The following GLOD4 variants were observed in gnomAD, a reference collection of about 807,000 sequenced individuals.
GLOD4 encodes the protein glyoxalase domain containing 4.
In GLOD4, 44 loss-of-function variants were observed where a neutral mutation model predicts 39.1. The ratio of observed to expected loss-of-function variants is 1.13; its 90% CI spans 0.88 to 1.45. GLOD4 has a LOEUF of 1.45. GLOD4 is among the 40% of genes most tolerant of loss of function. The probability of loss-of-function intolerance (pLI) is 0.00; values close to 1 mark genes in which losing one functional copy is unlikely to be tolerated. For missense variants in GLOD4, 405 were observed against 366.4 expected, an observed-to-expected ratio of 1.11 and a Z score of -0.86; for synonymous variants, 145 against 135.0, an observed-to-expected ratio of 1.07 and a Z score of -0.52.
chr17:762,255 A>C (rs1003290928), intron 8 of GLOD4, among the ~76,000 whole-genome samples: 9 of 152,262 alleles, frequency 5.9e-5, no homozygotes, highest in African/African-American at 2.2e-4. Context: ...ACGACTATTA[A>C]ATGTTAAAAA....
intron 6 of GLOD4, 67 bp downstream of exon 6, chr17:770,354 G>A (rs1272397582): frequency 1.1e-6 from 1 of 870,296 alleles, no homozygotes; most frequent in African/African-American, 1.6e-5. Context: ...AGAAGGGAAG[G>A]ACAAAGTTCT....
chr17:779,319 T>TAAAAAAAAAA (rs34487169), intron 1 of GLOD4, among the ~76,000 whole-genome samples: 1 of 43,358 alleles, frequency 2.3e-5, no homozygotes. Flanking sequence ...CATCTCAAAT[T>TAAAAAAAAAA]AAAAAAAAAA....
chr17:785,436 T>C (rs1177635639), upstream of GLOD4, among the ~76,000 whole-genome samples: 1 of 152,186 alleles, frequency 6.6e-6, no homozygotes, highest in Non-Finnish European at 1.5e-5. Flanking sequence ...AATTTTATCA[T>C]GTAGAGATCA....
upstream of GLOD4, among the ~76,000 whole-genome samples, chr17:782,893 A>G (rs2750013): frequency 0.87 from 132,061 of 152,212 alleles, 57,468 homozygotes; most frequent in African/African-American, 0.94. Context: ...TCACCATGTT[A>G]GCCAGGCTGA....
upstream of GLOD4, among the ~76,000 whole-genome samples, chr17:782,865 TTTG>T (rs1682398709): frequency 1.3e-5 from 2 of 152,208 alleles, no homozygotes; most frequent in African/African-American, 4.8e-5. Context: ...TCCTTAGCTC[TTTG>T]TTGTTGTTTT....
chr17:772,551 G>T (rs748710828), intron 4 of GLOD4, among the ~76,000 whole-genome samples: 104 of 152,158 alleles, frequency 6.8e-4, no homozygotes, highest in Non-Finnish European at 9.9e-4. Flanking sequence ...ACAGTAGGGG[G>T]AACAACTGCA....
intron 8 of GLOD4, among the ~76,000 whole-genome samples, chr17:761,660 G>A (rs1393118707): frequency 2.6e-5 from 4 of 152,050 alleles, no homozygotes; most frequent in African/African-American, 9.7e-5. Flanking sequence ...GTACACCACC[G>A]TGCCTGGCTA....
chr17:773,085 A>G (rs1419959120), intron 4 of GLOD4, among the ~76,000 whole-genome samples: 1 of 152,236 alleles, frequency 6.6e-6, no homozygotes, highest in Non-Finnish European at 1.5e-5. Context: ...TGTGCAAATA[A>G]TGTTAAAAGT....
intron 8 of GLOD4, chr17:764,784 G>A (rs1394753340): frequency 6.6e-6 from 1 of 150,982 alleles, no homozygotes; most frequent in Non-Finnish European, 1.5e-5. Flanking sequence ...CAAGGTGGGT[G>A]GATCACAAGG....
intron 8 of GLOD4, chr17:764,166 A>G (rs1906037580): frequency 1.3e-5 from 2 of 152,210 alleles, no homozygotes; most frequent in Admixed American, 6.5e-5. Context: ...CAGGGAAATA[A>G]AAATTAAACC....
chr17:774,749 G>C (rs1195813024), intron 4 of GLOD4, among the ~76,000 whole-genome samples: 2 of 152,218 alleles, frequency 1.3e-5, no homozygotes, highest in East Asian at 3.9e-4. Flanking sequence ...AAGATTCTAG[G>C]AAAGTTTTTC....
chr17:781,635 CA>C lies in GLOD4; in HGVS notation c.90+530del, dbSNP rs373543510. On this transcript the variant is annotated intron_variant, in intron 1 of 8. Transcript: ENST00000301329. Reference sequence around the variant, plus strand: ...CAGTTCCCCAACCAACTGAATCCTGCAAATAACAGCTCCTCAGGACCCGAGA... The same window carrying C: ...CAGTTCCCCAACCAACTGAATCCTGCAATAACAGCTCCTCAGGACCCGAGA... Among the ~76,000 whole-genome samples, 323 of 152,252 alleles carry C rather than the reference CA, an allele frequency of 2.1e-3. 2 individuals are homozygous for C. Among genetic ancestry groups the C allele is most frequent in the African/African-American group, 7.5e-3 (311 of 41,530 alleles).
upstream of GLOD4, among the ~76,000 whole-genome samples, chr17:785,276 C>A (rs764134321): frequency 2.6e-5 from 4 of 152,134 alleles, no homozygotes; most frequent in Non-Finnish European, 4.4e-5. Context: ...TTCATCTATA[C>A]CACAGCAATT....
At chr17:765,180 T>C (rs994254019) in intron 8 of GLOD4, 1 of 150,974 alleles carries the variant, frequency 6.6e-6, no homozygotes, top group African/African-American at 2.4e-5. Flanking sequence ...GCCAACTCAC[T>C]GGAGATGGGC....
intron 8 of GLOD4, among the ~76,000 whole-genome samples, chr17:769,474 G>C (rs1032558817): frequency 7.6e-6 from 1 of 132,278 alleles, no homozygotes; most frequent in African/African-American, 2.9e-5. Context: ...AGCTGAGGGG[G>C]TCAGATGGAG....
intron 4 of GLOD4, among the ~76,000 whole-genome samples, chr17:774,897 T>C (rs1189960425): frequency 2.0e-5 from 3 of 151,866 alleles, no homozygotes; most frequent in Non-Finnish European, 4.4e-5. Flanking sequence ...AGTGAAACCC[T>C]GTCTCTACTA....
At chr17:763,974 C>G (rs572684391) in intron 8 of GLOD4, 17 of 152,324 alleles carry the variant, frequency 1.1e-4, no homozygotes, top group African/African-American at 3.9e-4. Flanking sequence ...AACTACAGTA[C>G]AGAGTCAAGG....
At chr17:765,561 G>A (rs1448695831) in intron 8 of GLOD4, among the ~76,000 whole-genome samples, 1 of 150,850 alleles carries the variant, frequency 6.6e-6, no homozygotes, top group African/African-American at 2.4e-5. Context: ...CAGGCGCAGT[G>A]GCTCACGCCT....
intron 4 of GLOD4, among the ~76,000 whole-genome samples, chr17:773,979 A>G (rs756156230): frequency 1.4e-4 from 22 of 152,318 alleles, no homozygotes; most frequent in South Asian, 1.2e-3. Flanking sequence ...ATTCCAAAGA[A>G]CAAAAGCTTC....
Sources: allele counts gnomAD v4.1 joint callset (sites outside exome capture counted in the v4.1 genomes callset), GRCh38; gene constraint gnomAD v4.1.1; transcripts MANE v1.5; gene names NCBI Gene and HGNC (gene_info 2026-07-23, HGNC 2026-07-21).